The following RNF122 variants were observed in gnomAD, a reference collection of about 807,000 sequenced individuals.
The protein encoded by RNF122 is ring finger protein 122.
RNF122 carries 17 observed loss-of-function variants against 24.2 expected under a neutral mutation model. That is an observed-to-expected ratio of 0.70 (90% CI 0.48 to 1.06). The LOEUF (loss-of-function observed/expected upper bound fraction) is 1.06. Among genes scored for constraint, RNF122 ranks in the 50% least tolerant of loss-of-function variants. The probability of loss-of-function intolerance (pLI) is 0.00; values close to 1 mark genes in which losing one functional copy is unlikely to be tolerated. For synonymous variants in RNF122, 65 were observed against 71.8 expected, an observed-to-expected ratio of 0.91 and a Z score of 0.48; for missense variants, 168 against 198.1, an observed-to-expected ratio of 0.85 and a Z score of 0.91.
intron 2 of RNF122, among the ~76,000 whole-genome samples, chr8:33,553,368 G>A (rs1242631638): frequency 2.0e-5 from 3 of 152,128 alleles, no homozygotes; most frequent in Non-Finnish European, 4.4e-5. Context: ...AGACCAGCCT[G>A]GGTGACACAG....
At chr8:33,564,836 C>T (rs1243192727) in intron 1 of RNF122, among the ~76,000 whole-genome samples, 1 of 152,074 alleles carries the variant, frequency 6.6e-6, no homozygotes, top group East Asian at 1.9e-4. Flanking sequence ...CACACCATTG[C>T]ACTCCAGCCT....
In RNF122 at chr8:33,548,689, T is replaced by C; in HGVS notation, c.*64A>G. ...CCTACAGTCCTGTTGGTTGGAGCTGTGCAGAGGGACCAGACATCCATGAGG... is the reference window on the plus strand; with the variant it reads ...CCTACAGTCCTGTTGGTTGGAGCTGCGCAGAGGGACCAGACATCCATGAGG... On this transcript the variant is annotated 3_prime_UTR_variant, in exon 6 of 6. Transcript: ENST00000256257. The C allele has an allele frequency of 1.0e-6, 1 of 999,800 alleles. No homozygotes were observed. The allele number at this position is 999,800 out of a possible 1,614,324, so 61.9% of individuals were successfully genotyped here.
Position 33,567,055 on chromosome 8 carries a change from G to A in RNF122, c.-332C>T, listed in dbSNP as rs1261279487. ...CAGAAGCCCTCGGCCGGGGGAGGAG[G>A]GAAAAACCTTTGCCGGAGGCTCGGA... is the stretch of plus-strand genomic sequence containing the variant. On this transcript the variant is annotated 5_prime_UTR_variant, in exon 1 of 6. Transcript: ENST00000256257. The A allele has an allele frequency of 5.1e-6, 2 of 393,120 alleles. No individual in the cohort carries two copies. Among genetic ancestry groups the A allele is most frequent in the African/African-American group, 4.4e-5 (2 of 45,270 alleles). The allele number at this position is 393,120 out of a possible 1,614,324, so 24.4% of individuals were successfully genotyped here.
At chr8:33,565,877 G>A (rs148747814) in intron 1 of RNF122, among the ~76,000 whole-genome samples, 3,935 of 152,260 alleles carry the variant, frequency 0.026, 104 homozygotes, top group East Asian at 0.13. Flanking sequence ...TTTTTAGATG[G>A]AGTTTCGCTC....
intron 4 of RNF122, 116 bp from the exon 5 acceptor site, chr8:33,549,608 T>C (rs995387452): frequency 5.5e-6 from 4 of 728,302 alleles, no homozygotes; most frequent in African/African-American, 5.3e-5. Flanking sequence ...AGAAACTTTT[T>C]AGCCATCCTT....
chr8:33,567,070 G>A lies in RNF122; in HGVS notation c.-347C>T, dbSNP rs576129053. The A allele has an allele frequency of 5.2e-3, 1,880 of 360,684 alleles. 34 individuals carry two copies. Among genetic ancestry groups the A allele is most frequent in the African/African-American group, 0.04 (1,765 of 44,466 alleles). 22.3% of individuals were successfully genotyped at this position (360,684 alleles called of 1,614,324 possible). A position where few individuals can be genotyped will look rare whatever the true frequency, so the allele number is the denominator to read the frequency against. On this transcript the variant is annotated 5_prime_UTR_variant, in exon 1 of 6. Transcript: ENST00000256257. ...GGGGGAGGAGGGAAAAACCTTTGCC[G>A]GAGGCTCGGATCGGGTTCAGCGGCG...
Position 33,558,690 on chromosome 8 carries a change from T to G in RNF122, c.107A>C (p.Asn36Thr). The G allele has an allele frequency of 6.2e-7, 1 of 1,612,464 alleles. No homozygotes were observed. The highest frequency in any genetic ancestry group is 8.5e-7 in the Non-Finnish European group (1 of 1,178,834). ...PPISFQDLPL[N>T]IYMVIFGTGI... ...TGTGCCGAAGATGACCATATAGATG[T>G]TGAGCGGAAGGTCCTGGAAACTGAT... Residue 36 changes from asparagine to threonine, a missense_variant, in exon 2 of 6, where the codon AAC becomes ACC. Asn to Thr is a moderately conservative substitution (Grantham distance 65, BLOSUM62 0). Transcript: ENST00000256257.
chr8:33,560,986 G>C (rs944678922), intron 1 of RNF122, among the ~76,000 whole-genome samples: 1 of 152,042 alleles, frequency 6.6e-6, no homozygotes, highest in Admixed American at 6.6e-5. Context: ...TGGCAGAAGG[G>C]AAAGGGAAAG....
chr8:33,561,744 T>C (rs368255243), intron 1 of RNF122, among the ~76,000 whole-genome samples: 11 of 152,126 alleles, frequency 7.2e-5, no homozygotes, highest in African/African-American at 2.2e-4. Flanking sequence ...GGTTTCACCA[T>C]GTTGGACAGT....
At chr8:33,558,923 A>T (rs1021066792) in intron 1 of RNF122, 152 bp from the exon 2 acceptor site, 19 of 512,754 alleles carry the variant, frequency 3.7e-5, no homozygotes, top group Non-Finnish European at 5.8e-5. Context: ...TCTAACATTT[A>T]CTAGCTATGT....
Position 33,548,312 on chromosome 8 carries a change from A to C in RNF122, c.*441T>G, listed in dbSNP as rs1163003199. 1 of 153,174 alleles carries C rather than the reference A, an allele frequency of 6.5e-6. No homozygotes were observed. Among genetic ancestry groups the C allele is most frequent in the Non-Finnish European group, 1.5e-5 (1 of 68,626 alleles). The allele number at this position is 153,174 out of a possible 1,614,324, so 9.5% of individuals were successfully genotyped here. A position where few individuals can be genotyped will look rare whatever the true frequency, so the allele number is the denominator to read the frequency against. Reference sequence around the variant, plus strand: ...CTTGATCTTTCCTTCCTTCCCTTCTAACCTTACTCCGGAAGGAGTGGGAAG... The same window carrying C: ...CTTGATCTTTCCTTCCTTCCCTTCTCACCTTACTCCGGAAGGAGTGGGAAG... On this transcript the variant is annotated 3_prime_UTR_variant, in exon 6 of 6. Coordinates refer to ENST00000256257, the MANE Select transcript of RNF122 (RefSeq NM_024787.3).
chr8:33,552,777 G>A (rs1810396129), intron 2 of RNF122, among the ~76,000 whole-genome samples: 1 of 151,850 alleles, frequency 6.6e-6, no homozygotes, highest in African/African-American at 2.4e-5. Context: ...CCTGTATGTG[G>A]GTTGGGTGGG....
At chr8:33,554,961 A>ATT (rs1810430180) in intron 2 of RNF122, among the ~76,000 whole-genome samples, 1 of 152,020 alleles carries the variant, frequency 6.6e-6, no homozygotes, top group African/African-American at 2.4e-5. Context: ...CAGGGAGAGG[A>ATT]AGTGGTGGCT....
chr8:33,565,655 GAACTAACTT>G (rs1810611171), intron 1 of RNF122, among the ~76,000 whole-genome samples: 1 of 152,190 alleles, frequency 6.6e-6, no homozygotes, highest in Non-Finnish European at 1.5e-5. Context: ...CAGGTGAAAT[GAACTAACTT>G]AGAAGCATCA....
intron 2 of RNF122, among the ~76,000 whole-genome samples, chr8:33,552,543 T>C (rs1006034418): frequency 1.3e-5 from 2 of 152,242 alleles, no homozygotes; most frequent in Non-Finnish European, 2.9e-5. Context: ...CTCTTTACCA[T>C]ATAATGTGGT....
intron 1 of RNF122, among the ~76,000 whole-genome samples, chr8:33,561,857 C>T (rs1177634980): frequency 2.0e-5 from 3 of 152,158 alleles, no homozygotes; most frequent in African/African-American, 4.8e-5. Flanking sequence ...CTCTCCTTGT[C>T]GTTTTGATCT....
rs1479297406 is a variant in RNF122 at position 33,566,825 on chromosome 8, G to C, written c.-102C>G. ...GGCGTGAGGGGCCGCAGGCGGGGTC[G>C]GGGCAGCGCGCTGCAGCCGCCCTGC... On this transcript the variant is annotated 5_prime_UTR_variant, in exon 1 of 6. Coordinates refer to ENST00000256257, the MANE Select transcript of RNF122 (RefSeq NM_024787.3). 2 of 1,347,260 alleles carry C rather than the reference G, an allele frequency of 1.5e-6. No individual in the cohort carries two copies. Among genetic ancestry groups the C allele is most frequent in the South Asian group, 1.3e-5 (1 of 79,610 alleles). 83.5% of individuals were successfully genotyped at this position (1,347,260 alleles called of 1,614,324 possible).
intron 1 of RNF122, among the ~76,000 whole-genome samples, chr8:33,559,747 G>A (rs955984785): frequency 1.3e-5 from 2 of 151,614 alleles, no homozygotes; most frequent in Non-Finnish European, 2.9e-5. Flanking sequence ...AAGTCTCAAT[G>A]TGTGGTACCA....
Position 33,551,275 on chromosome 8 carries a change from T to C in RNF122, c.228+69A>G, listed in dbSNP as rs923887775. ...ATTCCTGCCCAGGAGAACCTGAGCCTGCCCTCCTTGCCTCTTCCTATCAGG... is the reference window on the plus strand; with the variant it reads ...ATTCCTGCCCAGGAGAACCTGAGCCCGCCCTCCTTGCCTCTTCCTATCAGG... On this transcript the variant is annotated intron_variant, in intron 3 of 5. Coordinates refer to ENST00000256257, the MANE Select transcript of RNF122 (RefSeq NM_024787.3). 3.2e-6 allele frequency: 5 copies of C among 1,577,338 alleles called. No homozygotes were observed. The Admixed American group carries it at 5.0e-5, about 16-fold the overall frequency.
Sources: gnomAD v4.1 joint callset for allele counts (sites outside exome capture counted in the v4.1 genomes callset) on GRCh38, gnomAD v4.1.1 for gene constraint, MANE v1.5 for transcripts, NCBI Gene and HGNC (gene_info 2026-07-23, HGNC 2026-07-21) for gene names.